Variants in GPATCH2L observed in about 807,000 individuals in gnomAD.
The protein encoded by GPATCH2L is G-patch domain containing 2 like.
Under a neutral mutation model 57.4 loss-of-function variants are expected in GPATCH2L, and 31 were observed. That is an observed-to-expected ratio of 0.54 (90% confidence interval 0.41 to 0.73). GPATCH2L has a LOEUF of 0.73. GPATCH2L is among the 30% of genes least tolerant of loss of function. GPATCH2L has a pLI of 0.00. For missense variants in GPATCH2L, 481 were observed against 599.9 expected (o/e 0.80, Z 2.07); for synonymous variants, 199 against 210.7 (o/e 0.94, Z 0.48).
intron 8 of GPATCH2L, among the ~76,000 whole-genome samples, chr14:76,185,971 C>T (rs920274245): frequency 2.6e-5 from 4 of 152,098 alleles, no homozygotes; most frequent in African/African-American, 9.7e-5. Context: ...TCTTCCCATA[C>T]CTCAATTTCT....
At chr14:76,196,773 T>C (rs2040167442) in intron 9 of GPATCH2L, among the ~76,000 whole-genome samples, 2 of 152,184 alleles carry the variant, frequency 1.3e-5, no homozygotes, top group Non-Finnish European at 2.9e-5. Flanking sequence ...CTACCTATTA[T>C]ATAAATCAGA....
At chr14:76,172,399 G>T (rs1051773859) in intron 4 of GPATCH2L, among the ~76,000 whole-genome samples, 2 of 152,306 alleles carry the variant, frequency 1.3e-5, no homozygotes, top group East Asian at 3.9e-4. Flanking sequence ...TTCAGTAAGA[G>T]TATTCACATA....
At chr14:76,152,610 GAGTGTGCATCCGCGACTGGAGA>G (rs1451178329) in intron 1 of GPATCH2L, 1 of 455,180 alleles carries the variant, frequency 2.2e-6, no homozygotes, top group Non-Finnish European at 4.4e-6. Context: ...GTCCTCTCGA[GAGTGTGCATCCGCGACTGGAGA>G]TGGGGAGTTC....
rs2040345838 is a variant in GPATCH2L, at chr14:76,203,828, T to C, written c.*1977T>C. 1 of 152,228 alleles carries C rather than the reference T, an allele frequency of 6.6e-6. No individual in the cohort carries two copies. Among genetic ancestry groups the C allele is most frequent in the Non-Finnish European group, 1.5e-5 (1 of 68,050 alleles). 9.4% of individuals were successfully genotyped at this position (152,228 alleles called of 1,614,324 possible). On this transcript the variant is annotated 3_prime_UTR_variant, in exon 10 of 10. Transcript: ENST00000261530. ...TGGCATATATTTTTAACATACTTGG[T>C]TGGGTTTGAGAGAAATCTGTGGACG...
intron 1 of GPATCH2L, among the ~76,000 whole-genome samples, chr14:76,223,725 G>A: frequency 6.6e-6 from 1 of 152,234 alleles, no homozygotes; most frequent in Middle Eastern, 3.4e-3. Flanking sequence ...GAACTCTTAT[G>A]ACTCAACAAC....
In GPATCH2L at chr14:76,154,225, A is replaced by G; in HGVS notation, c.-10-129A>G. On this transcript the variant is annotated intron_variant, in intron 1 of 9. Transcript: ENST00000261530. This position sits in a 1 kb window ranked among gnomAD's most constrained non-coding sequence, Gnocchi z 4.4. ...AGATGAAAGGTGACTTATTTTGTTTAGACAGGCAGAACTGTGGACTACCAT... is the reference window on the plus strand; with the variant it reads ...AGATGAAAGGTGACTTATTTTGTTTGGACAGGCAGAACTGTGGACTACCAT... The G allele has an allele frequency of 1.4e-6, 1 of 714,682 alleles. No homozygotes were observed. Among genetic ancestry groups the G allele is most frequent in the Non-Finnish European group, 2.3e-6 (1 of 440,250 alleles). 44.3% of individuals were successfully genotyped at this position (714,682 alleles called of 1,614,324 possible). A position where few individuals can be genotyped will look rare whatever the true frequency, so the allele number is the denominator to read the frequency against.
chr14:76,196,397 A>C (rs140114132), intron 9 of GPATCH2L: 121 of 268,382 alleles, frequency 4.5e-4, no homozygotes, highest in African/African-American at 2.4e-3. Context: ...TGGTCATGAC[A>C]TTCCTAATTA....
intron 2 of GPATCH2L, among the ~76,000 whole-genome samples, chr14:76,160,568 A>G (rs1054577756): frequency 6.6e-6 from 1 of 152,260 alleles, no homozygotes; most frequent in Non-Finnish European, 1.5e-5. Context: ...TTGAAAAATT[A>G]AGTCTTAAGA....
intron 2 of GPATCH2L, among the ~76,000 whole-genome samples, chr14:76,233,765 T>G (rs1045891154): frequency 2.0e-5 from 3 of 152,218 alleles, no homozygotes; most frequent in Admixed American, 2.0e-4. Flanking sequence ...AGTATTGAAA[T>G]TTCCAATTGT....
At chr14:76,173,514 T>C (rs371069179) in intron 4 of GPATCH2L, 32 bp from the exon 5 acceptor site, 72 of 1,436,532 alleles carry the variant, frequency 5.0e-5, no homozygotes, top group Non-Finnish European at 6.4e-5. Flanking sequence ...ATTTTCTGCA[T>C]TCGGTATCTG....
chr14:76,165,304 C>A (rs1378918750), intron 2 of GPATCH2L, among the ~76,000 whole-genome samples: 2 of 151,924 alleles, frequency 1.3e-5, no homozygotes, highest in African/African-American at 4.8e-5. Context: ...CCAGCCTGAC[C>A]AACATGGTGA....
At position 76,210,294 on chromosome 14, in the gene GPATCH2L, A is replaced by G. The variant is rs1221902414; in HGVS notation, c.*8443A>G. 1 of 152,254 alleles carries G rather than the reference A, an allele frequency of 6.6e-6. No individual in the cohort carries two copies. The highest frequency in any genetic ancestry group is 2.1e-4 in the South Asian group (1 of 4,836). The allele number at this position is 152,254 out of a possible 1,614,324, so 9.4% of individuals were successfully genotyped here. A position where few individuals can be genotyped will look rare whatever the true frequency, so the allele number is the denominator to read the frequency against. ...AGTTACAGACAAACTTGCTCGAGTC[A>G]CATATCTATTAAGTGTCAGTCAAGA... On this transcript the variant is annotated 3_prime_UTR_variant, in exon 10 of 10. Coordinates refer to ENST00000261530, the MANE Select transcript of GPATCH2L (RefSeq NM_017926.4).
intron 8 of GPATCH2L, among the ~76,000 whole-genome samples, chr14:76,181,051 T>G (rs1334858046): frequency 1.3e-5 from 2 of 152,216 alleles, no homozygotes; most frequent in African/African-American, 4.8e-5. Context: ...AGTATGTGAT[T>G]AAGTCTCAAC....
chr14:76,193,344 A>C (rs921557234), intron 8 of GPATCH2L, among the ~76,000 whole-genome samples: 1 of 152,114 alleles, frequency 6.6e-6, no homozygotes, highest in African/African-American at 2.4e-5. Context: ...TCAAACACGC[A>C]AAATGGTGAA....
intron 9 of GPATCH2L, among the ~76,000 whole-genome samples, chr14:76,199,314 T>C (rs1269351147): frequency 2.0e-5 from 3 of 152,132 alleles, no homozygotes; most frequent in Non-Finnish European, 4.4e-5. Context: ...AGCAGACATA[T>C]GTATCTTCAA....
rs2040414511 is a variant in GPATCH2L at position 76,209,311 on chromosome 14, A to G, written c.*7460A>G. ...TGAGTTCCTTTGCCATACCACCTTA[A>G]TGCACCAACTTAAAAGCACAGATTA... On this transcript the variant is annotated 3_prime_UTR_variant, in exon 10 of 10. Coordinates refer to ENST00000261530, the MANE Select transcript of GPATCH2L (RefSeq NM_017926.4). 1 of 152,164 alleles carries G rather than the reference A, an allele frequency of 6.6e-6. No homozygotes were observed. The highest frequency in any genetic ancestry group is 6.5e-5 in the Admixed American group (1 of 15,270). 9.4% of individuals were successfully genotyped at this position (152,164 alleles called of 1,614,324 possible).
intron 1 of GPATCH2L, among the ~76,000 whole-genome samples, chr14:76,228,046 G>A (rs183085727): frequency 5.1e-4 from 78 of 152,336 alleles, no homozygotes; most frequent in Middle Eastern, 3.4e-3. Flanking sequence ...GCAACACTGC[G>A]AAATAAACTA....
rs549475757 is a variant in GPATCH2L, at chr14:76,173,529, C to G, written c.905-17C>G. The G allele has an allele frequency of 6.4e-7, 1 of 1,573,858 alleles. No homozygotes were observed. The highest frequency in any genetic ancestry group is 8.7e-7 in the Non-Finnish European group (1 of 1,149,042). ...ATTTTCTGCATTCGGTATCTGAGGC[C>G]TTCCTTCTTTTTTTAGGGTACCATA... On this transcript the variant is annotated splice_polypyrimidine_tract_variant and intron_variant, in intron 4 of 9. Transcript: ENST00000261530.
chr14:76,154,441 G>A lies in GPATCH2L; in HGVS notation c.78G>A (p.Glu26=). 4 of 1,614,186 alleles carry A rather than the reference G, an allele frequency of 2.5e-6. No homozygotes were observed. The highest frequency in any genetic ancestry group is 2.2e-5 in the East Asian group (1 of 44,880). Residue 26 remains glutamate (E), a synonymous_variant, in exon 2 of 10, where the codon GAG becomes GAA. Coordinates refer to ENST00000261530, the MANE Select transcript of GPATCH2L (RefSeq NM_017926.4). This position sits in a 1 kb window ranked among gnomAD's most constrained non-coding sequence, Gnocchi z 4.4. Reference sequence around the variant, plus strand: ...AGAATAAGCTTGGTGAACTGTGGGAGGAGATGGCGCTGAGCCCCCGACAGC... The same window carrying A: ...AGAATAAGCTTGGTGAACTGTGGGAAGAGATGGCGCTGAGCCCCCGACAGC... The part of the protein sequence containing the change: ...SEQNKLGELW[E]EMALSPRQQR...
Sources: gnomAD v4.1 joint callset for allele counts (sites outside exome capture counted in the v4.1 genomes callset) on GRCh38, gnomAD v4.1.1 for gene constraint, Gnocchi (gnomAD v3.1) non-coding constraint, MANE v1.5 for transcripts, NCBI Gene and HGNC (gene_info 2026-07-23, HGNC 2026-07-21) for gene names.